CHEK1: variants seen among roughly 807,000 people sequenced by gnomAD.
CHEK1 encodes the protein serine/threonine-protein kinase Chk1.
A neutral mutation model predicts 60.2 loss-of-function variants in CHEK1; 32 were observed. The observed-to-expected ratio is 0.53, with a 90% confidence interval of 0.40 to 0.71. CHEK1 has a LOEUF of 0.71. Ranked by LOEUF, CHEK1 falls within the 30% of genes least tolerant of loss-of-function variation. CHEK1 has a pLI of 0.00. For synonymous variants in CHEK1, 179 were observed against 187.2 expected (o/e 0.96, Z 0.36); for missense variants, 399 against 564.6 (o/e 0.71, Z 2.97).
At position 125,669,584 on chromosome 11, in the gene CHEK1, T is replaced by C. The variant is rs1942161907; in HGVS notation, c.*28-6344T>C. Among the ~76,000 whole-genome samples, 5 of 146,472 alleles carry C rather than the reference T, an allele frequency of 3.4e-5. No homozygotes were observed. The South Asian group carries it at 6.5e-4, about 19-fold the overall frequency. On this transcript the variant is annotated intron_variant, in intron 13 of 13. Coordinates refer to the CHEK1 transcript ENST00000428830. ...TGTCGCCCAGGCTGGAGTACAGTGG[T>C]GCGATCTCGGCTCACTGCAACCTCC...
rs756957531 is a variant in CHEK1 at position 125,643,782 on chromosome 11, T to C, written c.815-10T>C. On this transcript the variant is annotated splice_polypyrimidine_tract_variant and intron_variant, in intron 8 of 12. Transcript: ENST00000438015. ...GACTTGAAAGCATTTGTATTTGTTT[T>C]CTTTTTTAGGGGCAAAAAGGCCCCG... 6.2e-7 allele frequency: 1 copy of C among 1,606,226 alleles called. No homozygotes were observed. Among genetic ancestry groups the C allele is most frequent in the Non-Finnish European group, 8.5e-7 (1 of 1,177,552 alleles).
chr11:125,667,382 T>C (rs146153989), intron 13 of CHEK1, among the ~76,000 whole-genome samples: 21 of 152,326 alleles, frequency 1.4e-4, no homozygotes, highest in Non-Finnish European at 2.6e-4. Context: ...ATGATTCCTC[T>C]CTATTGTAAA....
intron 1 of CHEK1, 125 bp from the exon 2 acceptor site, chr11:125,626,624 G>A (rs558519053): frequency 2.3e-5 from 17 of 752,036 alleles, no homozygotes; most frequent in African/African-American, 2.1e-4. Flanking sequence ...GATAAATGTG[G>A]ATGAGATAGA....
chr11:125,655,215 T>G lies in CHEK1; in HGVS notation c.1336-10T>G. On this transcript the variant is annotated splice_polypyrimidine_tract_variant and intron_variant, in intron 12 of 12. Transcript: ENST00000438015. ...TTTGACATAATTTTTTAATACTATTTCTAATATAGGGTGATGGATTGGAGT... is the reference window on the plus strand; with the variant it reads ...TTTGACATAATTTTTTAATACTATTGCTAATATAGGGTGATGGATTGGAGT... 6.3e-7 allele frequency: 1 copy of G among 1,596,910 alleles called. No individual in the cohort carries two copies. Among genetic ancestry groups the G allele is most frequent in the Admixed American group, 1.7e-5 (1 of 58,008 alleles).
At position 125,656,240 on chromosome 11, in the gene CHEK1, A is replaced by G. The variant is rs1384930241; in HGVS notation, c.*920A>G. 1 of 214,530 alleles carries G rather than the reference A, an allele frequency of 4.7e-6. No homozygotes were observed. The highest frequency in any genetic ancestry group is 2.3e-5 in the African/African-American group (1 of 44,346). 13.3% of individuals were successfully genotyped at this position (214,530 alleles called of 1,614,324 possible). A position where few individuals can be genotyped will look rare whatever the true frequency, so the allele number is the denominator to read the frequency against. On this transcript the variant is annotated 3_prime_UTR_variant, in exon 13 of 13. Transcript: ENST00000438015. ...TTGGCTCCTGCCTGTAGTCCCAGCT[A>G]CTTAGGAGGCTGAGAGAGGAGGATC...
At chr11:125,674,929 G>A (rs1001861672) in intron 13 of CHEK1, among the ~76,000 whole-genome samples, 1 of 152,200 alleles carries the variant, frequency 6.6e-6, no homozygotes, top group East Asian at 1.9e-4. Context: ...AAAACTCTTT[G>A]CTCTTTTTCC....
Position 125,657,131 on chromosome 11 carries a change from A to G in CHEK1, c.*1811A>G, listed in dbSNP as rs968685585. On this transcript the variant is annotated 3_prime_UTR_variant, in exon 13 of 13. Transcript: ENST00000438015. ...CCTATTATTAAAAATAAAAATGTGTAAAATTTACTACCTGAAGATAACAGT... is the reference window on the plus strand; with the variant it reads ...CCTATTATTAAAAATAAAAATGTGTGAAATTTACTACCTGAAGATAACAGT... 2 of 175,350 alleles carry G rather than the reference A, an allele frequency of 1.1e-5. No homozygotes were observed. Among genetic ancestry groups the G allele is most frequent in the African/African-American group, 4.7e-5 (2 of 42,130 alleles). 10.9% of individuals were successfully genotyped at this position (175,350 alleles called of 1,614,324 possible).
downstream of CHEK1, among the ~76,000 whole-genome samples, chr11:125,661,160 A>T (rs1285815100): frequency 6.6e-6 from 1 of 152,036 alleles, no homozygotes; most frequent in African/African-American, 2.4e-5. Flanking sequence ...ATCCAATCTG[A>T]CAGTATTTGT....
chr11:125,665,512 A>T (rs1942083714), intron 13 of CHEK1, among the ~76,000 whole-genome samples: 1 of 152,036 alleles, frequency 6.6e-6, no homozygotes, highest in Non-Finnish European at 1.5e-5. Context: ...GTTTGATAGG[A>T]TTCCCTCCTC....
Position 125,629,257 on chromosome 11 carries a change from A to G in CHEK1, c.315A>G (p.Pro105=). Residue 105 remains proline, a synonymous_variant, in exon 4 of 13, where the codon CCA becomes CCG. Coordinates refer to ENST00000438015, the MANE Select transcript of CHEK1 (RefSeq NM_001114122.3). Reference sequence around the variant, plus strand: ...AGCCAGACATAGGCATGCCTGAACCAGATGCTCAGAGATTCTTCCATCAAC... The same window carrying G: ...AGCCAGACATAGGCATGCCTGAACCGGATGCTCAGAGATTCTTCCATCAAC... ...RIEPDIGMPE[P]DAQRFFHQLM... 1 of 1,614,204 alleles carries G rather than the reference A, an allele frequency of 6.2e-7. No homozygotes were observed. Among genetic ancestry groups the G allele is most frequent in the Non-Finnish European group, 8.5e-7 (1 of 1,180,024 alleles).
intron 5 of CHEK1, among the ~76,000 whole-genome samples, chr11:125,632,065 A>G (rs983147145): frequency 1.3e-5 from 2 of 152,148 alleles, no homozygotes; most frequent in African/African-American, 4.8e-5. Flanking sequence ...GTAAAAGGCC[A>G]ATATAAAAAT....
At chr11:125,665,959 T>C (rs1942091251) in intron 13 of CHEK1, among the ~76,000 whole-genome samples, 1 of 150,720 alleles carries the variant, frequency 6.6e-6, no homozygotes, top group Non-Finnish European at 1.5e-5. Flanking sequence ...TTTGTTTCAT[T>C]TATCTTATGC....
chr11:125,677,217 G>A (rs1942553498), downstream of CHEK1, among the ~76,000 whole-genome samples: 1 of 152,184 alleles, frequency 6.6e-6, no homozygotes, highest in South Asian at 2.1e-4. Flanking sequence ...AACTATGTCT[G>A]GTAATAACTT....
intron 13 of CHEK1, chr11:125,671,788 A>C (rs1371698071): frequency 6.6e-6 from 1 of 152,220 alleles, no homozygotes; most frequent in Non-Finnish European, 1.5e-5. Flanking sequence ...GGATGATGCC[A>C]TCTTTCCTGT....
intron 13 of CHEK1, among the ~76,000 whole-genome samples, chr11:125,674,071 G>A (rs1942356670): frequency 6.6e-6 from 1 of 152,060 alleles, no homozygotes; most frequent in Admixed American, 6.6e-5. Flanking sequence ...GAATCGCTGG[G>A]GGGCAGAGGT....
In CHEK1 at chr11:125,625,842, T is replaced by G. The variant is rs112362212; in HGVS notation, c.-191T>G. 5 of 702,438 alleles carry G rather than the reference T, an allele frequency of 7.1e-6. No individual in the cohort carries two copies. Among genetic ancestry groups the G allele is most frequent in the African/African-American group, 1.7e-5 (1 of 57,268 alleles). The allele number at this position is 702,438 out of a possible 1,614,324, so 43.5% of individuals were successfully genotyped here. A position where few individuals can be genotyped will look rare whatever the true frequency, so the allele number is the denominator to read the frequency against. The stretch of plus-strand genomic sequence containing the variant: ...AGCCCTGGGCGGGAGCGGCAACATC[T>G]CCACGTCACCCTTTTGGAGCCGCCG... On this transcript the variant is annotated 5_prime_UTR_variant, in exon 1 of 13. Coordinates refer to ENST00000438015, the MANE Select transcript of CHEK1 (RefSeq NM_001114122.3).
chr11:125,657,674 ATTAATT>A (rs1213722115), downstream of CHEK1, among the ~76,000 whole-genome samples: 10 of 152,066 alleles, frequency 6.6e-5, no homozygotes, highest in African/African-American at 2.4e-4. Context: ...TATTGAATTC[ATTAATT>A]TTAATTTTTA....
At chr11:125,669,413 A>G (rs985275249) in intron 13 of CHEK1, among the ~76,000 whole-genome samples, 16 of 151,824 alleles carry the variant, frequency 1.1e-4, no homozygotes, top group Non-Finnish European at 1.5e-5. Flanking sequence ...TCAGTGTTCC[A>G]CTATATGTAA....
exon 14 of CHEK1, chr11:125,676,184 A>G: frequency 1.3e-6 from 1 of 755,758 alleles, no homozygotes; most frequent in East Asian, 2.8e-5. Context: ...CTGGGATTTT[A>G]GGTGTGAGCC....
Sources: gnomAD v4.1 joint callset for allele counts (sites outside exome capture counted in the v4.1 genomes callset) on GRCh38, gnomAD v4.1.1 for gene constraint, MANE v1.5 for transcripts, NCBI Gene and HGNC (gene_info 2026-07-23, HGNC 2026-07-21) for gene names.